ZFR: variants seen among roughly 807,000 people sequenced by gnomAD.
The protein encoded by ZFR is zinc finger RNA binding protein.
ZFR carries 19 observed loss-of-function variants against 130.7 expected under a neutral mutation model. That is an observed-to-expected ratio of 0.15 (90% CI 0.10 to 0.21). The LOEUF is 0.21. Ranked by LOEUF, ZFR falls within the 10% of genes least tolerant of loss-of-function variation. The pLI is 1.00. For synonymous variants in ZFR, 466 were observed against 456.9 expected (o/e 1.02, Z -0.25); for missense variants, 872 against 1,321.5 (o/e 0.66, Z 5.27).
At chr5:32,381,356 T>C (rs2111712277) in intron 15 of ZFR, among the ~76,000 whole-genome samples, 1 of 152,316 alleles carries the variant, frequency 6.6e-6, no homozygotes, top group South Asian at 2.1e-4. Context: ...ATCAAGCTAT[T>C]AGTAAGCAAA....
At chr5:32,383,530 AT>A (rs1293556968) in intron 15 of ZFR, among the ~76,000 whole-genome samples, 2 of 152,238 alleles carry the variant, frequency 1.3e-5, no homozygotes, top group African/African-American at 4.8e-5. Context: ...TTTAACAGTT[AT>A]TTGGACAATG....
At chr5:32,400,347 T>G in intron 8 of ZFR, 144 bp from the exon 9 acceptor site, 1 of 578,622 alleles carries the variant, frequency 1.7e-6, no homozygotes. Flanking sequence ...TTTGAAGAAC[T>G]ACATAAACTA....
chr5:32,397,416 G>A (rs1753338823), intron 9 of ZFR, 78 bp from the exon 10 acceptor site: 3 of 1,534,998 alleles, frequency 2.0e-6, no homozygotes, highest in South Asian at 2.5e-5. Flanking sequence ...ATTATTTGAT[G>A]AAGTTGTACA....
At position 32,390,304 on chromosome 5, in the gene ZFR, C is replaced by A; in HGVS notation, c.2113G>T (p.Gly705Cys). Residue 705 changes from glycine (G) to cysteine (C), a missense_variant, in exon 12 of 20, where the codon GGC becomes TGC. By Grantham distance (159) the Gly-to-Cys change is radical. Transcript: ENST00000265069. Reference sequence around the variant, plus strand: ...GGCCCCTGAGGCTGAGGAGGCATGCCTGGTCGGACTCCCAGAAGGCCTAAT... The same window carrying A: ...GGCCCCTGAGGCTGAGGAGGCATGCATGGTCGGACTCCCAGAAGGCCTAAT... Reference protein sequence around the residue: ...GPLGLLGVRPGMPPQPQGPAP... With the variant: ...GPLGLLGVRPCMPPQPQGPAP... 6.2e-7 allele frequency: 1 copy of A among 1,614,108 alleles called. No individual in the cohort carries two copies. The highest frequency in any genetic ancestry group is 8.5e-7 in the Non-Finnish European group (1 of 1,179,954).
chr5:32,381,868 A>T (rs1752943210), intron 15 of ZFR, among the ~76,000 whole-genome samples: 1 of 152,230 alleles, frequency 6.6e-6, no homozygotes, highest in African/African-American at 2.4e-5. Context: ...AGAAGTTATC[A>T]AGACAAAAAT....
intron 4 of ZFR, among the ~76,000 whole-genome samples, chr5:32,417,112 G>GTCTC (rs112408001): frequency 1.6e-5 from 2 of 123,984 alleles, no homozygotes; most frequent in South Asian, 5.5e-4. Context: ...AAATTATCAA[G>GTCTC]TCTCTCTCTA....
chr5:32,393,637 C>T (rs778421878), intron 11 of ZFR, among the ~76,000 whole-genome samples: 24 of 152,090 alleles, frequency 1.6e-4, no homozygotes, highest in Admixed American at 6.6e-5. Flanking sequence ...CAACTGTGCC[C>T]GGCCAGTTTT....
intron 1 of ZFR, 28 bp from the exon 2 acceptor site, chr5:32,444,356 C>G: frequency 6.5e-7 from 1 of 1,532,852 alleles, no homozygotes; most frequent in Non-Finnish European, 8.8e-7. Context: ...AGTCGGGTCC[C>G]ATGGCGGGAC....
At chr5:32,367,497 T>A (rs1752574208) in intron 17 of ZFR, among the ~76,000 whole-genome samples, 1 of 151,920 alleles carries the variant, frequency 6.6e-6, no homozygotes, top group South Asian at 2.1e-4. Flanking sequence ...AATAACTCAC[T>A]GTAGCCTTGA....
In ZFR at chr5:32,371,658, C is replaced by G. The variant is rs979759009; in HGVS notation, c.2836-7383G>C. 6.6e-5 allele frequency among the ~76,000 whole-genome samples: 10 copies of G among 151,976 alleles called. No homozygotes were observed. In the Middle Eastern group the frequency reaches 0.01, roughly 155 times the overall value. ...AAAACTCCATCTGACCATCTTCTAT[C>G]TCACCAGAAAAAAGAAAAACACTAG... On this transcript the variant is annotated intron_variant, in intron 17 of 19. Transcript: ENST00000265069.
In ZFR at chr5:32,419,958, C is replaced by A; in HGVS notation, c.283G>T (p.Val95Leu). The A allele has an allele frequency of 6.2e-7, 1 of 1,613,896 alleles. No homozygotes were observed. Among genetic ancestry groups the A allele is most frequent in the Non-Finnish European group, 8.5e-7 (1 of 1,179,974 alleles). ...GCTGTTGCAGCAGCTGCAACAGCTA[C>A]TGGAGCAGGCCTGGCAACTGCAACT... ...ATVAVARPAP[V>L]AVAAAATAAA... is the part of the protein sequence containing the mutation. Residue 95 changes from valine (V) to leucine (L), a missense_variant, in exon 3 of 20, where the codon GTA (valine) becomes TTA (leucine). By Grantham distance (32) the Val-to-Leu change is conservative. Around this residue, in one of 7 missense-constraint regions of ZFR, gnomAD observed 240 missense variants for 441.2 expected, o/e 0.54. Coordinates refer to ENST00000265069, the MANE Select transcript of ZFR (RefSeq NM_016107.5).
intron 12 of ZFR, 145 bp from the exon 13 acceptor site, chr5:32,388,819 A>C (rs1282031098): frequency 5.2e-6 from 4 of 768,992 alleles, no homozygotes; most frequent in Non-Finnish European, 8.2e-6. Flanking sequence ...ACGAAAATGC[A>C]AACTATGGAA....
chr5:32,409,723 A>G (rs1396969380), intron 5 of ZFR, among the ~76,000 whole-genome samples: 1 of 152,174 alleles, frequency 6.6e-6, no homozygotes, highest in Non-Finnish European at 1.5e-5. Context: ...TTTTCAGTTC[A>G]TGGTTGATTG....
chr5:32,359,766 T>C (rs1197385946), intron 19 of ZFR, among the ~76,000 whole-genome samples: 2 of 152,014 alleles, frequency 1.3e-5, no homozygotes, highest in African/African-American at 2.4e-5. Context: ...CTGGCCAACA[T>C]GGTGAAACCC....
At chr5:32,371,008 A>T (rs10060884) in intron 17 of ZFR, among the ~76,000 whole-genome samples, 26,226 of 152,200 alleles carry the variant, frequency 0.17, 3,079 homozygotes, top group African/African-American at 0.33. Context: ...ACAGAAAAAA[A>T]GTTACTCCTG....
chr5:32,391,525 CTTTTT>C (rs34370191), intron 11 of ZFR, among the ~76,000 whole-genome samples: 3 of 134,138 alleles, frequency 2.2e-5, no homozygotes, highest in Non-Finnish European at 3.2e-5. Context: ...GAAATCTACT[CTTTTT>C]TTTTTTTTTT....
At chr5:32,380,876 C>T (rs1443936912) in intron 15 of ZFR, among the ~76,000 whole-genome samples, 3 of 151,472 alleles carry the variant, frequency 2.0e-5, no homozygotes, top group Non-Finnish European at 4.4e-5. Flanking sequence ...TTTTTAACTC[C>T]TGACCTCAAG....
chr5:32,421,100 T>C (rs1753947223), intron 2 of ZFR, among the ~76,000 whole-genome samples: 1 of 152,190 alleles, frequency 6.6e-6, no homozygotes, highest in Non-Finnish European at 1.5e-5. Context: ...AAAGCCTATA[T>C]CACTAAAACC....
chr5:32,444,015 A>G (rs1455785938), intron 2 of ZFR, among the ~76,000 whole-genome samples: 2 of 144,930 alleles, frequency 1.4e-5, no homozygotes, highest in Middle Eastern at 3.5e-3. Context: ...CCTCCCCCCT[A>G]CTGGGGGCCG....
Sources: allele counts gnomAD v4.1 joint callset (sites outside exome capture counted in the v4.1 genomes callset), GRCh38; gene constraint gnomAD v4.1.1; regional missense constraint gnomAD v4.1.1; transcripts MANE v1.5; gene names NCBI Gene and HGNC (gene_info 2026-07-23, HGNC 2026-07-21).